The following CNKSR3 variants were observed in gnomAD, a reference collection of about 807,000 sequenced individuals.
The protein encoded by CNKSR3 is CNKSR family member 3.
In CNKSR3, 36 loss-of-function variants were observed where a neutral mutation model predicts 67.7. The observed-to-expected ratio is 0.53, with a 90% CI of 0.41 to 0.70. CNKSR3 has a LOEUF of 0.70. Among genes scored for constraint, CNKSR3 ranks in the 30% least tolerant of loss-of-function variants. The pLI is 0.00. For missense variants in CNKSR3, 630 were observed against 695.2 expected, an observed-to-expected ratio of 0.91 and a Z score of 1.05; for synonymous variants, 281 against 271.4, an observed-to-expected ratio of 1.04 and a Z score of -0.35.
chr6:154,410,608 T>A (rs532624027), intron 11 of CNKSR3, among the ~76,000 whole-genome samples, 176 bp from the exon 12 acceptor site: 1 of 151,986 alleles, frequency 6.6e-6, no homozygotes, highest in Admixed American at 6.5e-5. Context: ...GGAAATAGAG[T>A]GCTACTAAGA....
intron 1 of CNKSR3, among the ~76,000 whole-genome samples, chr6:154,498,340 G>C (rs1446386171): frequency 6.7e-6 from 1 of 148,398 alleles, no homozygotes; most frequent in Admixed American, 6.6e-5. Context: ...GATATGTTTT[G>C]TTTGGTCTAC....
At position 154,441,373 on chromosome 6, in the gene CNKSR3, C is replaced by A; in HGVS notation, c.426G>T (p.Pro142=). Reference sequence around the variant, plus strand: ...CTGAGAAATCAGTGATCCCTGTAAACGGAGCCCTAGAAGGTAGCAACAATC... The same window carrying A: ...CTGAGAAATCAGTGATCCCTGTAAAAGGAGCCCTAGAAGGTAGCAACAATC... ...KALLAWLDRA[P]FTGITDFSVT... The change falls in exon 4 of 13, where the codon CCG becomes CCT. Residue 142 remains proline (P), a synonymous_variant. Coordinates refer to ENST00000607772, the MANE Select transcript of CNKSR3 (RefSeq NM_173515.4). The A allele has an allele frequency of 6.2e-7, 1 of 1,613,192 alleles. No individual in the cohort carries two copies. Among genetic ancestry groups the A allele is most frequent in the Non-Finnish European group, 8.5e-7 (1 of 1,179,564 alleles).
In CNKSR3 at chr6:154,388,552, T is replaced by C. The variant is rs1348743426; in HGVS notation, c.*17802A>G. On this transcript the variant is annotated 3_prime_UTR_variant, in exon 13 of 13. Transcript: ENST00000607772. The stretch of plus-strand genomic sequence containing the variant: ...CCAGAAATAGGGTTGCTAGGTCACA[T>C]GGCAGTTCTATTTTTACATTTTTTA... 1 of 152,222 alleles carries C rather than the reference T, an allele frequency of 6.6e-6. No individual in the cohort carries two copies. Among genetic ancestry groups the C allele is most frequent in the African/African-American group, 2.4e-5 (1 of 41,452 alleles). The allele number at this position is 152,222 out of a possible 1,614,324, so 9.4% of individuals were successfully genotyped here. A position where few individuals can be genotyped will look rare whatever the true frequency, so the allele number is the denominator to read the frequency against.
At chr6:154,475,317 A>G (rs7757563) in intron 1 of CNKSR3, among the ~76,000 whole-genome samples, 57,028 of 151,804 alleles carry the variant, frequency 0.38, 11,399 homozygotes, top group African/African-American at 0.5. Flanking sequence ...CCTCCTGGCC[A>G]CCATCTCTCC....
In CNKSR3 at chr6:154,391,764, G is replaced by A. The variant is rs187610072; in HGVS notation, c.*14590C>T. ...TGACACCAGCTCTGTAGAGATTTGG[G>A]CTAATGCAACTCTCTGTCACATACC... On this transcript the variant is annotated 3_prime_UTR_variant, in exon 13 of 13. Coordinates refer to ENST00000607772, the MANE Select transcript of CNKSR3 (RefSeq NM_173515.4). The A allele has an allele frequency of 6.6e-6, 1 of 152,228 alleles. No homozygotes were observed. The highest frequency in any genetic ancestry group is 6.5e-5 in the Admixed American group (1 of 15,296). 9.4% of individuals were successfully genotyped at this position (152,228 alleles called of 1,614,324 possible).
intron 1 of CNKSR3, among the ~76,000 whole-genome samples, chr6:154,496,423 G>A (rs1786880060): frequency 6.6e-6 from 1 of 151,768 alleles, no homozygotes; most frequent in Non-Finnish European, 1.5e-5. Context: ...CAGCCCGCAG[G>A]AGAGGCCAGG....
At chr6:154,460,850 G>A (rs1196402678) in intron 1 of CNKSR3, among the ~76,000 whole-genome samples, 1 of 152,146 alleles carries the variant, frequency 6.6e-6, no homozygotes, top group African/African-American at 2.4e-5. Context: ...GAACCAACTC[G>A]GCACAGAGAC....
intron 1 of CNKSR3, among the ~76,000 whole-genome samples, chr6:154,451,546 T>C (rs200961028): frequency 3.4e-4 from 5 of 14,846 alleles, no homozygotes; most frequent in East Asian, 0.013. Context: ...CACGCACAGA[T>C]GCACACACAC....
chr6:154,495,831 C>A (rs534490830), intron 1 of CNKSR3, among the ~76,000 whole-genome samples: 29 of 152,210 alleles, frequency 1.9e-4, no homozygotes, highest in Non-Finnish European at 3.8e-4. Context: ...CACCACCTTT[C>A]GGTTCTGAGG....
In CNKSR3 at chr6:154,405,695, A is replaced by T. The variant is rs973186581; in HGVS notation, c.*659T>A. 1.3e-5 allele frequency: 2 copies of T among 152,110 alleles called. No homozygotes were observed. The highest frequency in any genetic ancestry group is 4.8e-5 in the African/African-American group (2 of 41,380). 9.4% of individuals were successfully genotyped at this position (152,110 alleles called of 1,614,324 possible). On this transcript the variant is annotated 3_prime_UTR_variant, in exon 13 of 13. Transcript: ENST00000607772. The stretch of plus-strand genomic sequence containing the variant: ...CACCACCCCACACAAATAACCATAA[A>T]CTTCTTTGTGTGAAATAAGCCCTAT...
rs1022316362 is a variant in CNKSR3, at chr6:154,405,252, T to C, written c.*1102A>G. 6.6e-6 allele frequency: 1 copy of C among 152,654 alleles called. No homozygotes were observed. Among genetic ancestry groups the C allele is most frequent in the African/African-American group, 2.4e-5 (1 of 41,464 alleles). The allele number at this position is 152,654 out of a possible 1,614,324, so 9.5% of individuals were successfully genotyped here. A position where few individuals can be genotyped will look rare whatever the true frequency, so the allele number is the denominator to read the frequency against. The stretch of plus-strand genomic sequence containing the variant: ...AAATGCCTTGCACTTTCTTTTTCAC[T>C]AGCTTCGTGTATGACGCAAAACAGA... On this transcript the variant is annotated 3_prime_UTR_variant, in exon 13 of 13. Transcript: ENST00000607772.
chr6:154,498,263 C>T lies in CNKSR3; in HGVS notation c.52+11800G>A, dbSNP rs75661401. Among the ~76,000 whole-genome samples the T allele has an allele frequency of 9.3e-3, 1,418 of 152,136 alleles. 7 individuals carry two copies. Among genetic ancestry groups the T allele is most frequent in the Non-Finnish European group, 0.015 (990 of 68,004 alleles). On this transcript the variant is annotated intron_variant, in intron 1 of 12. Transcript: ENST00000607772. ...CAATTTTATTCACATCTTACAGGTG[C>T]GCTTCTCACTGGACAATTAACACCT...
chr6:154,467,821 G>A (rs1011024100), intron 1 of CNKSR3, among the ~76,000 whole-genome samples: 3 of 148,436 alleles, frequency 2.0e-5, no homozygotes, highest in African/African-American at 5.0e-5. Context: ...GTACAATGGT[G>A]CAATTTCGGC....
intron 12 of CNKSR3, among the ~76,000 whole-genome samples, chr6:154,407,732 A>G (rs1397587465): frequency 6.6e-6 from 1 of 152,150 alleles, no homozygotes; most frequent in Non-Finnish European, 1.5e-5. Context: ...GATTAGAGGC[A>G]TGAGCCACCA....
intron 1 of CNKSR3, among the ~76,000 whole-genome samples, chr6:154,490,764 C>A (rs1450452262): frequency 6.6e-6 from 1 of 152,174 alleles, no homozygotes; most frequent in East Asian, 1.9e-4. Flanking sequence ...CTGTCTCTTG[C>A]CTCCCAGTTT....
rs773533317 is a variant in CNKSR3 at position 154,415,227 on chromosome 6, C to CTTTTTTTTTTTTTTTTTT, written c.946-805_946-804insAAAAAAAAAAAAAAAAAA. On this transcript the variant is annotated intron_variant, in intron 9 of 12. Transcript: ENST00000607772. The stretch of plus-strand genomic sequence containing the variant: ...ATCCTGGCTAGACTTACTAGCTGCC[C>CTTTTTTTTTTTTTTTTTT]ATTTTTTTTTTTTTTTTTTTTAAGA... 8.5e-4 allele frequency among the ~76,000 whole-genome samples: 96 copies of CTTTTTTTTTTTTTTTTTT among 112,750 alleles called. 12 individuals carry two copies. The highest frequency in any genetic ancestry group is 2.1e-3 in the African/African-American group (55 of 26,818). 74.0% of individuals were successfully genotyped at this position (112,750 alleles called of 152,430 possible).
intron 1 of CNKSR3, among the ~76,000 whole-genome samples, chr6:154,464,351 A>C (rs745699365): frequency 6.6e-6 from 1 of 152,158 alleles, no homozygotes; most frequent in African/African-American, 2.4e-5. Flanking sequence ...AAAGGAAAAA[A>C]AATTCTACTC....
In CNKSR3 at chr6:154,451,875, G is replaced by A. The variant is rs141569585; in HGVS notation, c.53-1617C>T. ...GTCTAGCCCAGGGGCTAGACATTAC[G>A]CAGCAAGTGAGGCTGGGGATACTGA... On this transcript the variant is annotated intron_variant, in intron 1 of 12. Transcript: ENST00000607772. Among the ~76,000 whole-genome samples the A allele has an allele frequency of 1.1e-3, 166 of 150,602 alleles. 3 individuals carry two copies. Among genetic ancestry groups the A allele is most frequent in the Admixed American group, 8.7e-3 (132 of 15,222 alleles).
intron 8 of CNKSR3, 87 bp downstream of exon 8, chr6:154,422,828 G>T: frequency 8.0e-7 from 1 of 1,257,498 alleles, no homozygotes; most frequent in Non-Finnish European, 1.1e-6. Flanking sequence ...GGATATAAGC[G>T]GCAAATTTTA....
Sources: allele counts gnomAD v4.1 joint callset (sites outside exome capture counted in the v4.1 genomes callset), GRCh38; gene constraint gnomAD v4.1.1; transcripts MANE v1.5; gene names NCBI Gene and HGNC (gene_info 2026-07-23, HGNC 2026-07-21).